ZNF644: variants seen among roughly 807,000 people sequenced by gnomAD.
The protein encoded by ZNF644 is zinc finger protein 644, also known as zinc finger motif enhancer binding protein 2.
ZNF644 carries 20 observed loss-of-function variants against 108.0 expected under a neutral mutation model. That is an observed-to-expected ratio of 0.19 (90% CI 0.13 to 0.27). ZNF644 has a LOEUF of 0.27. Among genes scored for constraint, ZNF644 ranks in the 10% least tolerant of loss-of-function variants. The pLI, the probability that ZNF644 is intolerant of heterozygous loss-of-function variation, is 1.00. For missense variants in ZNF644, 1,338 were observed against 1,548.9 expected (o/e 0.86, Z 2.29); for synonymous variants, 542 against 539.1 (o/e 1.01, Z -0.08).
intron 2 of ZNF644, among the ~76,000 whole-genome samples, chr1:90,942,630 C>A (rs358693): frequency 0.72 from 109,692 of 152,070 alleles, 40,036 homozygotes; most frequent in Middle Eastern, 0.79. Context: ...CTAAAGTGTA[C>A]AGAAGAAAAA....
chr1:90,949,424 T>A (rs1652858799), intron 2 of ZNF644, among the ~76,000 whole-genome samples: 1 of 152,138 alleles, frequency 6.6e-6, no homozygotes. Flanking sequence ...TAATCACTAT[T>A]CTACAAGTAT....
chr1:90,968,844 C>G (rs904198468), intron 2 of ZNF644, among the ~76,000 whole-genome samples: 5 of 152,094 alleles, frequency 3.3e-5, no homozygotes, highest in Non-Finnish European at 7.4e-5. Flanking sequence ...ACCTTGAATG[C>G]ATATATGCAC....
intron 1 of ZNF644, among the ~76,000 whole-genome samples, chr1:90,998,896 T>C (rs1175431914): frequency 2.0e-5 from 3 of 152,160 alleles, no homozygotes; most frequent in Non-Finnish European, 4.4e-5. Flanking sequence ...AACTACGTGA[T>C]GAATGCACAA....
At chr1:90,992,333 T>C (rs1205083144) in intron 1 of ZNF644, among the ~76,000 whole-genome samples, 2 of 145,624 alleles carry the variant, frequency 1.4e-5, no homozygotes, top group Admixed American at 1.4e-4. Context: ...AAAGAACAAA[T>C]AGAAAAAAGT....
At chr1:90,977,049 A>C (rs1656086444) in intron 2 of ZNF644, among the ~76,000 whole-genome samples, 1 of 152,130 alleles carries the variant, frequency 6.6e-6, no homozygotes, top group African/African-American at 2.4e-5. Flanking sequence ...ACTTAAAAAA[A>C]AAAAGGAGTT....
intron 1 of ZNF644, among the ~76,000 whole-genome samples, chr1:91,006,211 C>T (rs1289351941): frequency 6.6e-6 from 1 of 152,124 alleles, no homozygotes; most frequent in Non-Finnish European, 1.5e-5. Flanking sequence ...TCTGAATAGA[C>T]CTAAAACAAG....
chr1:90,951,143 A>T (rs1365419038), intron 2 of ZNF644, among the ~76,000 whole-genome samples: 2 of 152,224 alleles, frequency 1.3e-5, no homozygotes, highest in African/African-American at 4.8e-5. Context: ...CTATACCCAG[A>T]TCCACTAGGA....
chr1:90,944,231 G>A (rs1201812834), intron 2 of ZNF644, among the ~76,000 whole-genome samples: 1 of 152,132 alleles, frequency 6.6e-6, no homozygotes. Context: ...CCCCTGAACA[G>A]CAGGGTGACA....
intron 2 of ZNF644, among the ~76,000 whole-genome samples, chr1:90,944,911 T>C (rs1652361263): frequency 6.6e-6 from 1 of 152,198 alleles, no homozygotes; most frequent in African/African-American, 2.4e-5. Flanking sequence ...TCAAAATCTG[T>C]TGCACTGAAT....
intron 2 of ZNF644, among the ~76,000 whole-genome samples, chr1:90,977,664 A>C (rs540896483): frequency 1.3e-5 from 2 of 152,320 alleles, no homozygotes; most frequent in African/African-American, 4.8e-5. Flanking sequence ...GTACAACCTC[A>C]TTGCAGTTTT....
chr1:90,942,656 G>T (rs1470381435), intron 2 of ZNF644, among the ~76,000 whole-genome samples: 1 of 152,168 alleles, frequency 6.6e-6, no homozygotes, highest in African/African-American at 2.4e-5. Flanking sequence ...TTGTTCCTAT[G>T]AAATTTGGAT....
chr1:90,955,688 T>C (rs537660142), intron 2 of ZNF644, among the ~76,000 whole-genome samples: 11 of 152,358 alleles, frequency 7.2e-5, no homozygotes, highest in Middle Eastern at 3.4e-3. Flanking sequence ...AGGGTTTTGA[T>C]CTGGATTAAG....
At chr1:90,998,420 T>C (rs1182666126) in intron 1 of ZNF644, among the ~76,000 whole-genome samples, 2 of 152,228 alleles carry the variant, frequency 1.3e-5, no homozygotes, top group African/African-American at 2.4e-5. Context: ...CCGCTGCTGA[T>C]ACCCAGGCAA....
chr1:90,918,825 T>C (rs1649097718), intron 4 of ZNF644, among the ~76,000 whole-genome samples: 1 of 152,034 alleles, frequency 6.6e-6, no homozygotes, highest in African/African-American at 2.4e-5. Context: ...AATTATGCAA[T>C]CATATAAGTT....
Position 90,940,303 on chromosome 1 carries a change from C to T in ZNF644, c.1051G>A (p.Asp351Asn). ...GCATCCACAGATTCTAAGTCTTCATCAGTTGATTCAGGCTTCACTTTTGAT... is the reference window on the plus strand; with the variant it reads ...GCATCCACAGATTCTAAGTCTTCATTAGTTGATTCAGGCTTCACTTTTGAT... ...ALSKVKPEST[D>N]EDLESVDAFQ... The change falls in exon 3 of 6, where the codon GAT becomes AAT. Residue 351 changes from aspartate to asparagine, a missense_variant. Physicochemically the swap from Asp to Asn is conservative, Grantham distance 23 (BLOSUM62 1). This residue lies in a region of ZNF644 where 464 missense variants were observed against 457.9 expected (regional missense o/e 1.01). Coordinates refer to ENST00000337393, the MANE Select transcript of ZNF644 (RefSeq NM_201269.3). 6.2e-7 allele frequency: 1 copy of T among 1,613,978 alleles called. No individual in the cohort carries two copies. The highest frequency in any genetic ancestry group is 8.5e-7 in the Non-Finnish European group (1 of 1,179,952).
chr1:91,009,963 A>C lies in ZNF644; in HGVS notation c.-18+12027T>G, dbSNP rs541081187. Among the ~76,000 whole-genome samples the C allele has an allele frequency of 6.6e-5, 10 of 152,250 alleles. No individual in the cohort carries two copies. In the South Asian group the frequency reaches 2.1e-3, roughly 32 times the overall value. ...TTTAAAACTATGCATCCTTACTCTT[A>C]ATATACCCTTCCCACTCACAAAGAT... On this transcript the variant is annotated intron_variant, in intron 1 of 5. Transcript: ENST00000337393.
Position 90,961,019 on chromosome 1 carries a change from T to C in ZNF644, c.45-19710A>G, listed in dbSNP as rs1654284290. On this transcript the variant is annotated intron_variant, in intron 2 of 5. Transcript: ENST00000337393. ...TACAGACCTACACTAAAGGGTACAATAGAAAGTGTTCTTCAAAAACAGAAA... is the reference window on the plus strand; with the variant it reads ...TACAGACCTACACTAAAGGGTACAACAGAAAGTGTTCTTCAAAAACAGAAA... 1.3e-5 allele frequency among the ~76,000 whole-genome samples: 2 copies of C among 152,110 alleles called. 1 individual carries two copies. The highest frequency in any genetic ancestry group is 4.1e-4 in the South Asian group (2 of 4,820).
chr1:90,957,801 G>C (rs1421694726), intron 2 of ZNF644, among the ~76,000 whole-genome samples: 1 of 151,990 alleles, frequency 6.6e-6, no homozygotes, highest in Non-Finnish European at 1.5e-5. Flanking sequence ...ATAAATAAAA[G>C]GCATCCAAAT....
At chr1:90,960,062 C>T (rs572703930) in intron 2 of ZNF644, among the ~76,000 whole-genome samples, 2 of 152,102 alleles carry the variant, frequency 1.3e-5, no homozygotes, top group Non-Finnish European at 2.9e-5. Context: ...GATTGACTGT[C>T]ATGATATTGC....
Sources: gnomAD v4.1 joint callset for allele counts (sites outside exome capture counted in the v4.1 genomes callset) on GRCh38, gnomAD v4.1.1 for gene constraint, gnomAD v4.1.1 regional missense constraint, MANE v1.5 for transcripts, NCBI Gene and HGNC (gene_info 2026-07-23, HGNC 2026-07-21) for gene names.